Variants in VANGL1 observed in about 807,000 individuals in gnomAD.
VANGL1 encodes the protein VANGL planar cell polarity protein 1.
Under a neutral mutation model 48.4 loss-of-function variants are expected in VANGL1, and 18 were observed. The observed-to-expected ratio is 0.37, with a 90% CI of 0.26 to 0.55. The LOEUF (loss-of-function observed/expected upper bound fraction) is 0.55, where lower values mean the gene tolerates loss of function less well. Among genes scored for constraint, VANGL1 ranks in the 20% least tolerant of loss-of-function variants. VANGL1 has a pLI of 0.81. For synonymous variants in VANGL1, 257 were observed against 261.8 expected (o/e 0.98, Z 0.18); for missense variants, 667 against 675.8 (o/e 0.99, Z 0.14).
At chr1:115,654,498 T>TAAAAAA (rs869142756) in intron 2 of VANGL1, among the ~76,000 whole-genome samples, 1,445 of 90,754 alleles carry the variant, frequency 0.016, 68 homozygotes, top group African/African-American at 0.063. Flanking sequence ...TTGGTAGGGC[T>TAAAAAA]AAAAAAAAAA....
In VANGL1 at chr1:115,686,144, A is replaced by ATAT. The variant is rs898655426; in HGVS notation, c.1314+627_1314+629dup. ...CTTACACAACAACCCTGTCAGAGAG[A>ATAT]TATTATTATTATCCTCATTGATACA... On this transcript the variant is annotated intron_variant, in intron 7 of 7. Coordinates refer to ENST00000355485, the MANE Select transcript of VANGL1 (RefSeq NM_138959.3). 6.6e-5 allele frequency among the ~76,000 whole-genome samples: 10 copies of ATAT among 152,210 alleles called. 2 individuals are homozygous for ATAT. The highest frequency in any genetic ancestry group is 2.4e-4 in the African/African-American group (10 of 41,544).
At chr1:115,677,808 C>G (rs890475038) in intron 4 of VANGL1, among the ~76,000 whole-genome samples, 4 of 152,206 alleles carry the variant, frequency 2.6e-5, no homozygotes, top group Non-Finnish European at 4.4e-5. Context: ...TTCAGTCAGG[C>G]TACTGCCTTT....
At chr1:115,677,726 C>T (rs1653220437) in intron 4 of VANGL1, among the ~76,000 whole-genome samples, 1 of 152,144 alleles carries the variant, frequency 6.6e-6, no homozygotes, top group South Asian at 2.1e-4. Flanking sequence ...TGCTCCTTGT[C>T]ATAGGTTTCT....
At position 115,682,433 on chromosome 1, in the gene VANGL1, C is replaced by T. The variant is rs865935139; in HGVS notation, c.882C>T (p.Leu294=). The T allele has an allele frequency of 1.2e-6, 2 of 1,614,192 alleles. No homozygotes were observed. The highest frequency in any genetic ancestry group is 1.7e-6 in the Non-Finnish European group (2 of 1,180,034). ...YKDFTIYNPN[L]LTASKFRAAK... is the part of the protein sequence containing the mutation. The stretch of plus-strand genomic sequence containing the variant: ...ATTTCACCATCTATAACCCAAACCT[C>T]CTAACAGCCTCCAAATTCCGAGCAG... The change falls in exon 5 of 8, where the codon CTC becomes CTT. Residue 294 remains leucine, a synonymous_variant. Coordinates refer to ENST00000355485, the MANE Select transcript of VANGL1 (RefSeq NM_138959.3).
chr1:115,642,957 A>G (rs1400757500), intron 1 of VANGL1, among the ~76,000 whole-genome samples: 2 of 152,224 alleles, frequency 1.3e-5, no homozygotes, highest in Non-Finnish European at 2.9e-5. Context: ...CTGCTGTGTG[A>G]TGAGCAGATG....
In VANGL1 at chr1:115,659,785, A is replaced by G. The variant is rs749879562; in HGVS notation, c.204+12A>G. On this transcript the variant is annotated intron_variant, in intron 3 of 7. Transcript: ENST00000355485. ...CAGAGGAAGTTCAGGTAAGGATCAA[A>G]GGTGGTCTGTAAGCACACTGCCACT... The G allele has an allele frequency of 2.5e-6, 4 of 1,614,152 alleles. No individual in the cohort carries two copies. The highest frequency in any genetic ancestry group is 2.5e-6 in the Non-Finnish European group (3 of 1,180,012).
chr1:115,679,216 C>T (rs560809456), intron 4 of VANGL1, among the ~76,000 whole-genome samples: 15 of 152,338 alleles, frequency 9.8e-5, no homozygotes, highest in African/African-American at 3.4e-4. Context: ...GCCAAGCCCA[C>T]GGCAGGCTCT....
intron 7 of VANGL1, among the ~76,000 whole-genome samples, chr1:115,689,052 A>G (rs1557777646): frequency 7.3e-6 from 1 of 136,698 alleles, no homozygotes; most frequent in Non-Finnish European, 1.6e-5. Flanking sequence ...CAACCTCCCA[A>G]AGTTCTGGGA....
At chr1:115,666,739 C>T (rs1445969555) in intron 4 of VANGL1, among the ~76,000 whole-genome samples, 2 of 152,134 alleles carry the variant, frequency 1.3e-5, no homozygotes, top group East Asian at 3.9e-4. Flanking sequence ...AATAAGGCCC[C>T]CTTTGTCCCT....
intron 1 of VANGL1, among the ~76,000 whole-genome samples, chr1:115,645,504 G>A (rs1651880158): frequency 6.6e-6 from 1 of 152,150 alleles, no homozygotes; most frequent in Non-Finnish European, 1.5e-5. Flanking sequence ...GTTACAGTTA[G>A]GGAAACTGAG....
At chr1:115,674,136 C>G (rs2101017852) in intron 4 of VANGL1, among the ~76,000 whole-genome samples, 1 of 152,328 alleles carries the variant, frequency 6.6e-6, no homozygotes, top group South Asian at 2.1e-4. Context: ...TCTGCTCACA[C>G]TGCTTTCTCT....
chr1:115,682,465 A>G lies in VANGL1; in HGVS notation c.914A>G (p.His305Arg), dbSNP rs886045119. ...LTASKFRAAK[H>R]MAGLKVYNVD... is the part of the protein sequence containing the mutation. ...GCCTCCAAATTCCGAGCAGCCAAGC[A>G]TATGGCCGGGCTGAAAGTCTACAAT... is the stretch of plus-strand genomic sequence containing the variant. The change falls in exon 5 of 8, where the codon CAT (histidine) becomes CGT (arginine). Residue 305 changes from histidine to arginine, a missense_variant. His to Arg is a conservative substitution (Grantham distance 29, BLOSUM62 0). Transcript: ENST00000355485. 5.6e-6 allele frequency: 9 copies of G among 1,614,214 alleles called. No individual in the cohort carries two copies. Among genetic ancestry groups the G allele is most frequent in the Non-Finnish European group, 7.6e-6 (9 of 1,180,038 alleles).
Position 115,651,350 on chromosome 1 carries a change from A to C in VANGL1, c.-64A>C. The C allele has an allele frequency of 6.7e-7, 1 of 1,502,220 alleles. No individual in the cohort carries two copies. The highest frequency in any genetic ancestry group is 9.2e-7 in the Non-Finnish European group (1 of 1,084,740). The allele number at this position is 1,502,220 out of a possible 1,614,324, so 93.1% of individuals were successfully genotyped here. A position where few individuals can be genotyped will look rare whatever the true frequency, so the allele number is the denominator to read the frequency against. ...TGAGGTTTTAGGAGTCTGGTAGGTG[A>C]AATTTTCTACCTCTAAGGAGAAACA... On this transcript the variant is annotated 5_prime_UTR_variant, in exon 2 of 8. Coordinates refer to ENST00000355485, the MANE Select transcript of VANGL1 (RefSeq NM_138959.3).
At position 115,691,999 on chromosome 1, in the gene VANGL1, A is replaced by G. The variant is rs1653858492; in HGVS notation, c.*620A>G. 1 of 153,006 alleles carries G rather than the reference A, an allele frequency of 6.5e-6. No homozygotes were observed. Among genetic ancestry groups the G allele is most frequent in the Non-Finnish European group, 1.5e-5 (1 of 68,362 alleles). 9.5% of individuals were successfully genotyped at this position (153,006 alleles called of 1,614,324 possible). On this transcript the variant is annotated 3_prime_UTR_variant, in exon 8 of 8. Transcript: ENST00000355485. ...TGTTTTTTTCCCAAAGAGAAAACCT[A>G]CCTGCCCTGTTTCTGATCCCACCCC...
Position 115,685,473 on chromosome 1 carries a change from G to A in VANGL1, c.1260G>A (p.Met420Ile), listed in dbSNP as rs746172534. 3 of 1,614,174 alleles carry A rather than the reference G, an allele frequency of 1.9e-6. No homozygotes were observed. The highest frequency in any genetic ancestry group is 2.2e-5 in the East Asian group (1 of 44,874). The change falls in exon 7 of 8, where the codon ATG (methionine) becomes ATA (isoleucine). Residue 420 changes from methionine to isoleucine, a missense_variant. Physicochemically the swap from Met to Ile is conservative, Grantham distance 10. Transcript: ENST00000355485. ...CCCGGCAGCAGAACTACCACAGCAT[G>A]GAGAGCATCCTGCAGCACCTGGCCT... ...RITRQQNYHS[M>I]ESILQHLAFC... is the part of the protein sequence containing the mutation.
intron 6 of VANGL1, 46 bp downstream of exon 6, chr1:115,684,122 T>TTTTTA (rs753477470): frequency 4.6e-6 from 7 of 1,509,238 alleles, no homozygotes; most frequent in Non-Finnish European, 6.2e-6. Context: ...GACTTTTAAA[T>TTTTTA]TTTTATTTTA....
intron 3 of VANGL1, among the ~76,000 whole-genome samples, chr1:115,661,668 A>G (rs1652556634): frequency 1.3e-5 from 2 of 151,954 alleles, no homozygotes; most frequent in Non-Finnish European, 2.9e-5. Flanking sequence ...CCCAGGCTGG[A>G]GTGCAGCGGC....
intron 4 of VANGL1, among the ~76,000 whole-genome samples, chr1:115,676,892 A>G (rs748298251): frequency 7.2e-5 from 11 of 152,208 alleles, no homozygotes; most frequent in South Asian, 2.1e-4. Context: ...GAGCCCACTT[A>G]TCATGGTAAT....
intron 4 of VANGL1, among the ~76,000 whole-genome samples, chr1:115,678,168 C>T (rs1234516596): frequency 2.6e-5 from 4 of 152,196 alleles, no homozygotes; most frequent in African/African-American, 4.8e-5. Context: ...TTGACTCCCT[C>T]GAAGATATCA....
Sources: allele counts gnomAD v4.1 joint callset (sites outside exome capture counted in the v4.1 genomes callset), GRCh38; gene constraint gnomAD v4.1.1; transcripts MANE v1.5; gene names NCBI Gene and HGNC (gene_info 2026-07-23, HGNC 2026-07-21).